NUDT7: variants seen among roughly 807,000 people sequenced by gnomAD.
NUDT7 encodes the protein nudix hydrolase 7.
NUDT7 carries 19 observed loss-of-function variants against 13.1 expected under a neutral mutation model. The ratio of observed to expected loss-of-function variants is 1.45; its 90% CI spans 1.01 to 2.13. The LOEUF is 2.13. Among genes scored for constraint, NUDT7 ranks in the 30% most tolerant of loss-of-function variants. NUDT7 has a pLI of 0.00. For missense variants in NUDT7, 360 were observed against 291.7 expected, an observed-to-expected ratio of 1.23 and a Z score of -1.71; for synonymous variants, 132 against 109.7, an observed-to-expected ratio of 1.20 and a Z score of -1.27.
intron 3 of NUDT7, among the ~76,000 whole-genome samples, chr16:77,739,385 C>T (rs1480861164): frequency 6.6e-6 from 1 of 152,182 alleles, no homozygotes; most frequent in East Asian, 1.9e-4. Flanking sequence ...GTGAGAGTTC[C>T]TCCCATTTTT....
In NUDT7 at chr16:77,735,929, G is replaced by A; in HGVS notation, c.291G>A (p.Val97=). Residue 97 remains valine, a synonymous_variant, in exon 3 of 4, where the codon GTG becomes GTA. Transcript: ENST00000268533. ...ATALREAQEE[V]GLRPHQVEVV... ...CTCTCCGGGAAGCCCAGGAGGAAGTGGGTCTCCGTCCTCACCAAGTGGAAG... is the reference window on the plus strand; with the variant it reads ...CTCTCCGGGAAGCCCAGGAGGAAGTAGGTCTCCGTCCTCACCAAGTGGAAG... 1 of 1,613,948 alleles carries A rather than the reference G, an allele frequency of 6.2e-7. No individual in the cohort carries two copies. The highest frequency in any genetic ancestry group is 2.2e-5 in the East Asian group (1 of 44,854).
chr16:77,725,954 TCA>T (rs1478500615), intron 2 of NUDT7, among the ~76,000 whole-genome samples: 1 of 152,070 alleles, frequency 6.6e-6, no homozygotes, highest in Non-Finnish European at 1.5e-5. Context: ...AAACACAAGC[TCA>T]CACACACCTT....
Position 77,722,561 on chromosome 16 carries a change from G to C in NUDT7, c.-22G>C. The C allele has an allele frequency of 6.3e-7, 1 of 1,579,456 alleles. No individual in the cohort carries two copies. The highest frequency in any genetic ancestry group is 8.6e-7 in the Non-Finnish European group (1 of 1,161,906). ...CGAGCAGCTCCGAGGAGTCCGCCCG[G>C]AAACAAACATTCCCCAGGGCAATGT... is the stretch of plus-strand genomic sequence containing the variant. On this transcript the variant is annotated 5_prime_UTR_variant, in exon 1 of 4. Transcript: ENST00000268533.
chr16:77,739,952 C>G (rs1439673145), intron 3 of NUDT7, among the ~76,000 whole-genome samples: 1 of 152,146 alleles, frequency 6.6e-6, no homozygotes, highest in Non-Finnish European at 1.5e-5. Flanking sequence ...TGCCAGCCTT[C>G]TTCCCTTATG....
At chr16:77,740,590 C>T (rs192630076) in intron 3 of NUDT7, among the ~76,000 whole-genome samples, 10 of 152,166 alleles carry the variant, frequency 6.6e-5, no homozygotes, top group African/African-American at 2.4e-4. Context: ...GTCACCCAGG[C>T]TGGAGTGCAG....
At chr16:77,731,231 A>C (rs766239283) in intron 2 of NUDT7, among the ~76,000 whole-genome samples, 5 of 152,152 alleles carry the variant, frequency 3.3e-5, no homozygotes, top group African/African-American at 4.8e-5. Context: ...ATTACCTATT[A>C]ATTGGAATAG....
intron 2 of NUDT7, among the ~76,000 whole-genome samples, chr16:77,732,174 A>G (rs1461205644): frequency 6.6e-6 from 1 of 152,110 alleles, no homozygotes; most frequent in Non-Finnish European, 1.5e-5. Flanking sequence ...CTAAAAATAC[A>G]AAAATTAGCC....
rs1231337434 is a variant in NUDT7, at chr16:77,742,064, G to A, written c.*114G>A. The A allele has an allele frequency of 2.0e-6, 3 of 1,473,646 alleles. No individual in the cohort carries two copies. The highest frequency in any genetic ancestry group is 2.8e-5 in the African/African-American group (2 of 71,068). The allele number at this position is 1,473,646 out of a possible 1,614,324, so 91.3% of individuals were successfully genotyped here. ...GACAGGTGTGAATATTTTTTCTGCAGTATGTAGTTAGAATCCTTGCCTCTT... is the reference window on the plus strand; with the variant it reads ...GACAGGTGTGAATATTTTTTCTGCAATATGTAGTTAGAATCCTTGCCTCTT... On this transcript the variant is annotated 3_prime_UTR_variant, in exon 4 of 4. Transcript: ENST00000268533.
Position 77,742,001 on chromosome 16 carries a change from T to TATTC in NUDT7, c.*52_*55dup. ...TATTCACGAGGATTCTGTGTGTGCTTATTCGTAGAACAACAACAATGCCAG... is the reference window on the plus strand; with the variant it reads ...TATTCACGAGGATTCTGTGTGTGCTTATTCATTCGTAGAACAACAACAATGCCAG... On this transcript the variant is annotated 3_prime_UTR_variant, in exon 4 of 4. Coordinates refer to ENST00000268533, the MANE Select transcript of NUDT7 (RefSeq NM_001105663.3). 6.6e-7 allele frequency: 1 copy of TATTC among 1,511,134 alleles called. No individual in the cohort carries two copies. Among genetic ancestry groups the TATTC allele is most frequent in the Non-Finnish European group, 8.8e-7 (1 of 1,137,788 alleles). The allele number at this position is 1,511,134 out of a possible 1,614,324, so 93.6% of individuals were successfully genotyped here. A position where few individuals can be genotyped will look rare whatever the true frequency, so the allele number is the denominator to read the frequency against.
At position 77,735,981 on chromosome 16, in the gene NUDT7, A is replaced by C. The variant is rs202163078; in HGVS notation, c.343A>C (p.Ile115Leu). ...EVVCCLVPCLIDTDTLITPFV... is the reference protein window; with the variant it reads ...EVVCCLVPCLLDTDTLITPFV... ...TGTCTGCTGCCTGGTGCCATGTCTT[A>C]TTGATGTAAGGGTTTCCTGAGACAC... The change falls in exon 3 of 4, where the codon ATT (isoleucine) becomes CTT (leucine). Residue 115 changes from isoleucine (I) to leucine (L), a missense_variant. By Grantham distance (5) the Ile-to-Leu change is conservative. Transcript: ENST00000268533. 2.7e-5 allele frequency: 44 copies of C among 1,613,888 alleles called. No homozygotes were observed. Among genetic ancestry groups the C allele is most frequent in the Non-Finnish European group, 3.7e-5 (44 of 1,179,976 alleles).
intron 3 of NUDT7, chr16:77,736,533 G>A (rs2014489739): frequency 6.2e-6 from 1 of 162,338 alleles, no homozygotes; most frequent in Non-Finnish European, 1.4e-5. Flanking sequence ...CATTTGTGTT[G>A]GATCAGGATT....
At chr16:77,722,787 C>A (rs906886047) in intron 1 of NUDT7, among the ~76,000 whole-genome samples, 170 bp downstream of exon 1, 1 of 152,190 alleles carries the variant, frequency 6.6e-6, no homozygotes, top group East Asian at 1.9e-4. Flanking sequence ...GGTCCCCGAA[C>A]CTTTGCACTG....
chr16:77,742,007 TA>T lies in NUDT7; in HGVS notation c.*58del. The T allele has an allele frequency of 2.7e-6, 4 of 1,508,292 alleles. No individual in the cohort carries two copies. The highest frequency in any genetic ancestry group is 3.5e-6 in the Non-Finnish European group (4 of 1,136,690). 93.4% of individuals were successfully genotyped at this position (1,508,292 alleles called of 1,614,324 possible). On this transcript the variant is annotated 3_prime_UTR_variant, in exon 4 of 4. Coordinates refer to ENST00000268533, the MANE Select transcript of NUDT7 (RefSeq NM_001105663.3). Reference sequence around the variant, plus strand: ...CGAGGATTCTGTGTGTGCTTATTCGTAGAACAACAACAATGCCAGCTGTTGG... The same window carrying T: ...CGAGGATTCTGTGTGTGCTTATTCGTGAACAACAACAATGCCAGCTGTTGG...
Position 77,741,972 on chromosome 16 carries a change from G to T in NUDT7, c.*22G>T, listed in dbSNP as rs752776076. ...ATGATTTACTAGAGCAAGAGACAAAGAACTATTCACGAGGATTCTGTGTGT... is the reference window on the plus strand; with the variant it reads ...ATGATTTACTAGAGCAAGAGACAAATAACTATTCACGAGGATTCTGTGTGT... On this transcript the variant is annotated 3_prime_UTR_variant, in exon 4 of 4. Transcript: ENST00000268533. 7.7e-6 allele frequency: 12 copies of T among 1,552,682 alleles called. No individual in the cohort carries two copies. In the Admixed American group the frequency reaches 1.5e-4, roughly 20 times the overall value.
intron 2 of NUDT7, among the ~76,000 whole-genome samples, chr16:77,731,309 C>G (rs1376937101): frequency 6.6e-6 from 1 of 152,028 alleles, no homozygotes; most frequent in African/African-American, 2.4e-5. Flanking sequence ...AAAATACAGT[C>G]ATGTGCTGCA....
intron 3 of NUDT7, among the ~76,000 whole-genome samples, chr16:77,739,480 T>C (rs951627255): frequency 6.6e-6 from 1 of 152,220 alleles, no homozygotes; most frequent in Non-Finnish European, 1.5e-5. Context: ...AACATTCTAA[T>C]GCTTTCTAAT....
intron 1 of NUDT7, among the ~76,000 whole-genome samples, chr16:77,724,027 G>A (rs1205067757): frequency 2.0e-5 from 3 of 152,144 alleles, no homozygotes; most frequent in African/African-American, 7.2e-5. Flanking sequence ...ACCACACACT[G>A]GGTGTTTTAA....
intron 3 of NUDT7, among the ~76,000 whole-genome samples, chr16:77,739,062 C>G (rs1186340426): frequency 6.6e-6 from 1 of 152,202 alleles, no homozygotes; most frequent in Non-Finnish European, 1.5e-5. Flanking sequence ...ATTTACTGAG[C>G]ATACATTGTT....
chr16:77,737,501 T>A (rs966721268), intron 3 of NUDT7: 1 of 114,670 alleles, frequency 8.7e-6, no homozygotes, highest in African/African-American at 3.3e-5. Context: ...GTTGTTGTTT[T>A]TTTGACACAA....
Sources: gnomAD v4.1 joint callset for allele counts (sites outside exome capture counted in the v4.1 genomes callset) on GRCh38, gnomAD v4.1.1 for gene constraint, MANE v1.5 for transcripts, NCBI Gene and HGNC (gene_info 2026-07-23, HGNC 2026-07-21) for gene names.